Variants in MYH16 observed in about 807,000 individuals in gnomAD.
MYH16 encodes myosin heavy chain 16, also known as putative uncharacterized protein MYH16.
intron 1 of MYH16, among the ~76,000 whole-genome samples, chr7:99,239,402 T>C (rs1791636851): frequency 6.6e-6 from 1 of 152,216 alleles, no homozygotes; most frequent in African/African-American, 2.4e-5. Flanking sequence ...ATGAGCAGTG[T>C]CACTGTGTGC....
rs1341098338 is a variant in MYH16 at position 99,283,558 on chromosome 7, C to T, written n.2993-7C>T. 1 of 455,878 alleles carries T rather than the reference C, an allele frequency of 2.2e-6. No homozygotes were observed. 28.2% of individuals were successfully genotyped at this position (455,878 alleles called of 1,614,324 possible). A position where few individuals can be genotyped will look rare whatever the true frequency, so the allele number is the denominator to read the frequency against. On this transcript the variant is annotated splice_polypyrimidine_tract_variant and splice_region_variant and intron_variant and non_coding_transcript_variant, in intron 23 of 41. Coordinates refer to ENST00000439784, the Ensembl canonical transcript of MYH16. ...CGTGGCACTCACGTGTGTATCTGTCCTTCCAGAAAACCCTGGACGACCTAC... is the reference window on the plus strand; with the variant it reads ...CGTGGCACTCACGTGTGTATCTGTCTTTCCAGAAAACCCTGGACGACCTAC...
intron 36 of MYH16, 147 bp downstream of exon 17, chr7:99,298,142 G>C: frequency 2.7e-6 from 1 of 367,438 alleles, no homozygotes; most frequent in South Asian, 2.0e-5. Context: ...CTATGAAATG[G>C]AAATAAAGAC....
intron 1 of MYH16, among the ~76,000 whole-genome samples, chr7:99,240,080 T>A (rs895245776): frequency 1.3e-5 from 2 of 151,552 alleles, no homozygotes; most frequent in African/African-American, 4.9e-5. Context: ...TTTAAATGGG[T>A]AAGGGCAGGG....
chr7:99,262,166 G>A (rs963063980), intron 13 of MYH16, among the ~76,000 whole-genome samples: 1 of 152,156 alleles, frequency 6.6e-6, no homozygotes, highest in African/African-American at 2.4e-5. Flanking sequence ...TAGGGGAGGT[G>A]ACGTTCATCC....
At chr7:99,281,939 G>T (rs940502160) in intron 23 of MYH16, among the ~76,000 whole-genome samples, 3 of 152,158 alleles carry the variant, frequency 2.0e-5, no homozygotes, top group African/African-American at 4.8e-5. Context: ...GGGAACTACC[G>T]CCCTTGCCCT....
intron 25 of MYH16, among the ~76,000 whole-genome samples, chr7:99,284,285 A>G (rs1562782306): frequency 6.6e-6 from 1 of 152,144 alleles, no homozygotes. Flanking sequence ...CAGGGCAGGG[A>G]GGCGTCATAA....
downstream of MYH16, among the ~76,000 whole-genome samples, chr7:99,309,656 T>C (rs1792731950): frequency 1.3e-5 from 2 of 152,216 alleles, no homozygotes; most frequent in African/African-American, 4.8e-5. Context: ...GCAGTTCAGC[T>C]CCTTCCACTA....
At chr7:99,294,227 C>G in intron 33 of MYH16, 77 bp downstream of exon 14, 1 of 403,896 alleles carries the variant, frequency 2.5e-6, no homozygotes, top group Non-Finnish European at 4.9e-6. Context: ...AAGGCTGTCA[C>G]ATGTCTGGGG....
intron 23 of MYH16, among the ~76,000 whole-genome samples, chr7:99,282,507 C>G (rs1296250841): frequency 2.6e-5 from 4 of 151,796 alleles, no homozygotes; most frequent in Non-Finnish European, 1.5e-5. Flanking sequence ...GGGTCTAGCT[C>G]TGTCACCAAG....
At chr7:99,297,742 G>A (rs1256952753) in exon 35 of MYH16, 1 of 456,570 alleles carries the variant, frequency 2.2e-6, no homozygotes, top group African/African-American at 2.0e-5. Flanking sequence ...AAAAATTGGA[G>A]ATGGAAAAGG....
chr7:99,307,688 G>A (rs1037110514), downstream of MYH16, among the ~76,000 whole-genome samples: 3 of 152,094 alleles, frequency 2.0e-5, no homozygotes, highest in Non-Finnish European at 4.4e-5. Context: ...TCCAGCCTGG[G>A]CAACACAGTG....
chr7:99,255,118 A>T (rs1791855431), intron 8 of MYH16, among the ~76,000 whole-genome samples: 1 of 151,956 alleles, frequency 6.6e-6, no homozygotes, highest in Non-Finnish European at 1.5e-5. Context: ...AAAATACAAA[A>T]ATTAGCTAGG....
At chr7:99,260,491 C>T (rs928252793) in intron 12 of MYH16, 10 of 404,434 alleles carry the variant, frequency 2.5e-5, no homozygotes, top group Non-Finnish European at 4.2e-5. Context: ...AAAATGGGTA[C>T]TGAAGTGACT....
At chr7:99,285,710 C>A (rs1404012280) in intron 27 of MYH16, among the ~76,000 whole-genome samples, 1 of 152,178 alleles carries the variant, frequency 6.6e-6, no homozygotes, top group Non-Finnish European at 1.5e-5. Context: ...AACACTTGAC[C>A]TCAAAGATAG....
exon 20 of MYH16, chr7:99,273,416 A>C (rs1453999709): frequency 6.6e-6 from 3 of 456,750 alleles, no homozygotes; most frequent in South Asian, 4.6e-5. Context: ...TGGAAGCTGT[A>C]CAACAAGGTG....
intron 13 of MYH16, chr7:99,261,720 C>T (rs1008437683): frequency 6.6e-6 from 1 of 152,664 alleles, no homozygotes; most frequent in Admixed American, 6.5e-5. Context: ...GCTGACACAC[C>T]CCTCCAGAGA....
chr7:99,245,038 C>A (rs1791712104), intron 2 of MYH16, among the ~76,000 whole-genome samples: 1 of 152,222 alleles, frequency 6.6e-6, no homozygotes, highest in South Asian at 2.1e-4. Context: ...ATCCCAGCTG[C>A]TTCTCTCTCA....
intron 28 of MYH16, 162 bp from the exon 10 acceptor site, chr7:99,287,730 T>C: frequency 2.8e-6 from 1 of 357,026 alleles, no homozygotes; most frequent in South Asian, 2.1e-5. Context: ...ACAAATCCTG[T>C]GGGCAACCCC....
chr7:99,242,267 CT>C (rs145007362), intron 1 of MYH16, among the ~76,000 whole-genome samples: 14 of 152,026 alleles, frequency 9.2e-5, no homozygotes, highest in African/African-American at 3.1e-4. Context: ...TTGCTGGTTT[CT>C]TTTTTTTCTT....
Sources: gnomAD v4.1 joint callset for allele counts (sites outside exome capture counted in the v4.1 genomes callset) on GRCh38, gnomAD v4.1.1 for gene constraint, MANE v1.5 for transcripts, NCBI Gene and HGNC (gene_info 2026-07-23, HGNC 2026-07-21) for gene names.